ADGRA3: variants seen among roughly 807,000 people sequenced by gnomAD.
ADGRA3 encodes adhesion G protein-coupled receptor A3.
ADGRA3 carries 56 observed loss-of-function variants against 119.8 expected under a neutral mutation model. That is an observed-to-expected ratio of 0.47 (90% CI 0.38 to 0.58). ADGRA3 has a LOEUF of 0.58. ADGRA3 is among the 20% of genes least tolerant of loss of function. The pLI, the probability that ADGRA3 is intolerant of heterozygous loss-of-function variation, is 0.00. For missense variants in ADGRA3, 1,516 were observed against 1,649.0 expected (o/e 0.92, Z 1.40); for synonymous variants, 607 against 623.8 (o/e 0.97, Z 0.40).
At chr4:22,470,880 C>G (rs761788079) in intron 2 of ADGRA3, among the ~76,000 whole-genome samples, 8 of 152,190 alleles carry the variant, frequency 5.3e-5, no homozygotes, top group Non-Finnish European at 1.2e-4. Flanking sequence ...CCTGGGGACT[C>G]TGAGGCCAGT....
chr4:22,458,342 C>T (rs1321409205), intron 3 of ADGRA3, among the ~76,000 whole-genome samples: 1 of 152,162 alleles, frequency 6.6e-6, no homozygotes, highest in African/African-American at 2.4e-5. Flanking sequence ...GAGGTGCAGC[C>T]TGTTTACGGT....
At chr4:22,479,241 A>T (rs1718163291) in intron 1 of ADGRA3, among the ~76,000 whole-genome samples, 1 of 152,156 alleles carries the variant, frequency 6.6e-6, no homozygotes, top group Non-Finnish European at 1.5e-5. Context: ...AGGCGGGCGG[A>T]TCATGAGGTC....
At chr4:22,422,681 T>C (rs998157626) in intron 11 of ADGRA3, among the ~76,000 whole-genome samples, 10 of 152,186 alleles carry the variant, frequency 6.6e-5, no homozygotes, top group African/African-American at 2.4e-4. Context: ...ATAGAGATGG[T>C]ATGCAAATTC....
chr4:22,425,702 C>T (rs1010488367), intron 10 of ADGRA3, among the ~76,000 whole-genome samples: 8 of 152,194 alleles, frequency 5.3e-5, no homozygotes, highest in Non-Finnish European at 4.4e-5. Flanking sequence ...CCCAGAAGAT[C>T]TCCGCTGAGA....
chr4:22,453,931 A>G (rs570610722), intron 4 of ADGRA3, among the ~76,000 whole-genome samples: 95 of 152,152 alleles, frequency 6.2e-4, no homozygotes, highest in African/African-American at 2.2e-3. Flanking sequence ...GGCTCACTGC[A>G]ACCTCTGCAA....
intron 9 of ADGRA3, among the ~76,000 whole-genome samples, chr4:22,435,821 C>T (rs141535618): frequency 9.8e-4 from 149 of 152,248 alleles, no homozygotes; most frequent in Middle Eastern, 6.8e-3. Flanking sequence ...TGATCAATAC[C>T]TCCCTTGGAG....
intron 4 of ADGRA3, among the ~76,000 whole-genome samples, chr4:22,450,884 C>A (rs375259517): frequency 1.0e-3 from 153 of 146,344 alleles, no homozygotes; most frequent in African/African-American, 3.8e-3. Flanking sequence ...TTGCCAGGTA[C>A]AGAGCATTTT....
chr4:22,502,893 GAAAAAAAA>G (rs71182944), intron 1 of ADGRA3, among the ~76,000 whole-genome samples: 2 of 120,098 alleles, frequency 1.7e-5, no homozygotes, highest in Admixed American at 8.7e-5. Context: ...CTACTTAAGG[GAAAAAAAA>G]AAAAAAAAAA....
At chr4:22,463,396 T>C (rs1717542272) in intron 2 of ADGRA3, among the ~76,000 whole-genome samples, 1 of 152,184 alleles carries the variant, frequency 6.6e-6, no homozygotes, top group South Asian at 2.1e-4. Flanking sequence ...AGCACAACAC[T>C]GTGCTAGGCT....
intron 14 of ADGRA3, among the ~76,000 whole-genome samples, chr4:22,408,386 C>A (rs1715044444): frequency 6.6e-6 from 1 of 151,864 alleles, no homozygotes; most frequent in Non-Finnish European, 1.5e-5. Flanking sequence ...ATGTATGCAA[C>A]ACATAAATCC....
intron 16 of ADGRA3, among the ~76,000 whole-genome samples, chr4:22,400,038 A>T (rs575749792): frequency 6.6e-6 from 1 of 152,290 alleles, no homozygotes; most frequent in South Asian, 2.1e-4. Context: ...CACCATGTAA[A>T]TGCTACCTTC....
chr4:22,468,263 C>A (rs1717733453), intron 2 of ADGRA3, among the ~76,000 whole-genome samples: 2 of 152,222 alleles, frequency 1.3e-5, no homozygotes, highest in African/African-American at 2.4e-5. Flanking sequence ...CTCCTCATCT[C>A]TTATTGACTA....
At position 22,388,964 on chromosome 4, in the gene ADGRA3, TA is replaced by T. The variant is rs1187414424; in HGVS notation, c.2724-18del. On this transcript the variant is annotated intron_variant, in intron 18 of 18. Transcript: ENST00000334304. Reference sequence around the variant, plus strand: ...ATCCAGCAACTGGAAAAGAAAATGGTAAACCAGATCGATGCTACATGTTTCA... The same window carrying T: ...ATCCAGCAACTGGAAAAGAAAATGGTAACCAGATCGATGCTACATGTTTCA... 1 of 1,611,338 alleles carries T rather than the reference TA, an allele frequency of 6.2e-7. No homozygotes were observed. The highest frequency in any genetic ancestry group is 8.5e-7 in the Non-Finnish European group (1 of 1,178,440).
intron 14 of ADGRA3, among the ~76,000 whole-genome samples, chr4:22,412,492 G>A (rs1715247103): frequency 2.0e-5 from 3 of 151,998 alleles, no homozygotes; most frequent in African/African-American, 2.4e-5. Flanking sequence ...CTCCTTGGAG[G>A]ATTTCAGATT....
At chr4:22,486,218 T>C (rs1340039800) in intron 1 of ADGRA3, among the ~76,000 whole-genome samples, 1 of 152,160 alleles carries the variant, frequency 6.6e-6, no homozygotes, top group Non-Finnish European at 1.5e-5. Context: ...TCTATTATTT[T>C]CAACAGAATT....
chr4:22,402,210 A>G (rs927209694), intron 15 of ADGRA3, among the ~76,000 whole-genome samples: 1 of 152,168 alleles, frequency 6.6e-6, no homozygotes, highest in African/African-American at 2.4e-5. Flanking sequence ...CGATTAACAA[A>G]CAACATATCC....
chr4:22,394,819 T>C (rs1243730760), intron 16 of ADGRA3: 2 of 152,196 alleles, frequency 1.3e-5, no homozygotes, highest in Non-Finnish European at 2.9e-5. Context: ...CTCTTAAAGA[T>C]ACTGAAGCCT....
At chr4:22,480,162 A>T (rs1718215884) in intron 1 of ADGRA3, among the ~76,000 whole-genome samples, 1 of 152,220 alleles carries the variant, frequency 6.6e-6, no homozygotes, top group Non-Finnish European at 1.5e-5. Flanking sequence ...TTTGCCAAAC[A>T]AAGAAGAAAG....
chr4:22,461,514 G>C (rs1193745830), intron 3 of ADGRA3, among the ~76,000 whole-genome samples: 1 of 152,102 alleles, frequency 6.6e-6, no homozygotes, highest in African/African-American at 2.4e-5. Flanking sequence ...TGGCCAGGCT[G>C]GTCTTGAATT....
Sources: allele counts gnomAD v4.1 joint callset (sites outside exome capture counted in the v4.1 genomes callset), GRCh38; gene constraint gnomAD v4.1.1; transcripts MANE v1.5; gene names NCBI Gene and HGNC (gene_info 2026-07-23, HGNC 2026-07-21).